Variants in POLR3A observed in about 807,000 individuals in gnomAD.
POLR3A encodes RNA polymerase III subunit A, also known as DNA-directed RNA polymerase III subunit RPC1.
Under a neutral mutation model 152.8 loss-of-function variants are expected in POLR3A, and 112 were observed. The ratio of observed to expected loss-of-function variants is 0.73; its 90% CI spans 0.63 to 0.86. The LOEUF (loss-of-function observed/expected upper bound fraction) is 0.86. Among genes scored for constraint, POLR3A ranks in the 40% least tolerant of loss-of-function variants. POLR3A has a pLI of 0.00. For synonymous variants in POLR3A, 615 were observed against 652.1 expected (o/e 0.94, Z 0.87); for missense variants, 1,385 against 1,743.1 (o/e 0.79, Z 3.66).
Position 78,021,811 on chromosome 10 carries a change from G to A in POLR3A, c.1048+49C>T, listed in dbSNP as rs752315732. The A allele has an allele frequency of 2.5e-6, 4 of 1,612,174 alleles. No individual in the cohort carries two copies. In the East Asian group the frequency reaches 6.7e-5, roughly 27 times the overall value. On this transcript the variant is annotated intron_variant, in intron 7 of 30. Coordinates refer to ENST00000372371, the MANE Select transcript of POLR3A (RefSeq NM_007055.4). Reference sequence around the variant, plus strand: ...AAGCTGGACAGACACTCCTGAAAAAGGAACCAAAGAGAGTGGGCTGGCTTC... The same window carrying A: ...AAGCTGGACAGACACTCCTGAAAAAAGAACCAAAGAGAGTGGGCTGGCTTC...
rs1355010937 is a variant in POLR3A at position 77,975,922 on chromosome 10, G to A, written c.*1556C>T. 6.6e-6 allele frequency: 1 copy of A among 151,944 alleles called. No homozygotes were observed. Among genetic ancestry groups the A allele is most frequent in the Non-Finnish European group, 1.5e-5 (1 of 68,004 alleles). The allele number at this position is 151,944 out of a possible 1,614,324, so 9.4% of individuals were successfully genotyped here. ...TCTCAAGTAGAAGCCCTGAATTAGT[G>A]TTCATTAACAAACTTAATCCTTTGT... On this transcript the variant is annotated 3_prime_UTR_variant, in exon 31 of 31. Coordinates refer to ENST00000372371, the MANE Select transcript of POLR3A (RefSeq NM_007055.4).
Position 78,007,760 on chromosome 10 carries a change from T to A in POLR3A, c.2016A>T (p.Gly672=). Residue 672 remains glycine, a synonymous_variant, in exon 15 of 31, where the codon GGA becomes GGT. Coordinates refer to ENST00000372371, the MANE Select transcript of POLR3A (RefSeq NM_007055.4). ...NIFYILLRDW[G]QNEAADAMSR... ...ACATGGCATCTGCAGCTTCATTCTG[T>A]CCCCAGTCTCGCAGCAAAATGTAAA... 6.2e-7 allele frequency: 1 copy of A among 1,614,128 alleles called. No individual in the cohort carries two copies. Among genetic ancestry groups the A allele is most frequent in the Non-Finnish European group, 8.5e-7 (1 of 1,179,994 alleles).
chr10:78,004,895 AGTTGG>A lies in POLR3A; in HGVS notation c.2075-12_2075-8del, dbSNP rs1467396068. 2 of 1,613,656 alleles carry A rather than the reference AGTTGG, an allele frequency of 1.2e-6. No individual in the cohort carries two copies. The highest frequency in any genetic ancestry group is 3.3e-5 in the Admixed American group (2 of 59,996). ...ATTGAGAAACCACGGTTAGCTGTTG[AGTTGG>A]TAGAGCAGGAAGAAAGGGCCATAAA... On this transcript the variant is annotated splice_region_variant and splice_polypyrimidine_tract_variant and intron_variant, in intron 15 of 30. Transcript: ENST00000372371.
intron 21 of POLR3A, 90 bp downstream of exon 21, chr10:77,990,964 G>A: frequency 1.3e-6 from 1 of 753,674 alleles, no homozygotes; most frequent in South Asian, 1.5e-5. Flanking sequence ...AAAACAACCA[G>A]CTTATAAAAT....
chr10:77,997,025 T>G (rs982694053), intron 19 of POLR3A, among the ~76,000 whole-genome samples: 42 of 152,248 alleles, frequency 2.8e-4, no homozygotes, highest in African/African-American at 9.9e-4. Context: ...GATCAATAAA[T>G]GTAATCCAGC....
chr10:78,021,379 C>CT (rs1365057520), intron 8 of POLR3A, among the ~76,000 whole-genome samples, 167 bp downstream of exon 8: 1 of 152,162 alleles, frequency 6.6e-6, no homozygotes, highest in Non-Finnish European at 1.5e-5. Context: ...ATATATACCA[C>CT]CAACTATGTA....
At position 77,975,916 on chromosome 10, in the gene POLR3A, A is replaced by G. The variant is rs1847084155; in HGVS notation, c.*1562T>C. The G allele has an allele frequency of 6.6e-6, 1 of 151,934 alleles. No individual in the cohort carries two copies. Among genetic ancestry groups the G allele is most frequent in the African/African-American group, 2.4e-5 (1 of 41,346 alleles). The allele number at this position is 151,934 out of a possible 1,614,324, so 9.4% of individuals were successfully genotyped here. Reference sequence around the variant, plus strand: ...GTGGGGTCTCAAGTAGAAGCCCTGAATTAGTGTTCATTAACAAACTTAATC... The same window carrying G: ...GTGGGGTCTCAAGTAGAAGCCCTGAGTTAGTGTTCATTAACAAACTTAATC... On this transcript the variant is annotated 3_prime_UTR_variant, in exon 31 of 31. Transcript: ENST00000372371.
rs201082620 is a variant in POLR3A at position 77,991,088 on chromosome 10, C to T, written c.2867G>A (p.Ser956Asn). ...GCTGTCCTGGCAGCAGAGGAACTCA[C>T]TCTTCTTCATGATGGACTCTGTGGT... ...ILTTESIMKK[S>N]EFLCCQDSFL... is the part of the protein sequence containing the mutation. The change falls in exon 21 of 31, where the codon AGT (serine) becomes AAT (asparagine). Residue 956 changes from serine (S) to asparagine (N), a missense_variant. Ser to Asn is a conservative substitution (Grantham distance 46). This residue lies in a region of POLR3A where 178 missense variants were observed against 204.6 expected (regional missense o/e 0.87). Transcript: ENST00000372371. 2 of 1,613,196 alleles carry T rather than the reference C, an allele frequency of 1.2e-6. No individual in the cohort carries two copies. The highest frequency in any genetic ancestry group is 4.5e-5 in the East Asian group (2 of 44,882).
rs1035318893 is a variant in POLR3A, at chr10:77,976,817, C to T, written c.*661G>A. The T allele has an allele frequency of 6.5e-6, 1 of 153,648 alleles. No individual in the cohort carries two copies. The highest frequency in any genetic ancestry group is 2.4e-5 in the African/African-American group (1 of 41,450). The allele number at this position is 153,648 out of a possible 1,614,324, so 9.5% of individuals were successfully genotyped here. A position where few individuals can be genotyped will look rare whatever the true frequency, so the allele number is the denominator to read the frequency against. Reference sequence around the variant, plus strand: ...TCTATAGAAGATGTTACAGAGCTGCCTGGGCCTCATGACAGTTGCACCTCA... The same window carrying T: ...TCTATAGAAGATGTTACAGAGCTGCTTGGGCCTCATGACAGTTGCACCTCA... On this transcript the variant is annotated 3_prime_UTR_variant, in exon 31 of 31. Transcript: ENST00000372371.
At chr10:78,005,017 A>G in intron 15 of POLR3A, 129 bp from the exon 16 acceptor site, 1 of 748,438 alleles carries the variant, frequency 1.3e-6, no homozygotes, top group South Asian at 1.5e-5. Flanking sequence ...TAAAGTATAA[A>G]AAAGTGTATA....
intron 19 of POLR3A, among the ~76,000 whole-genome samples, chr10:77,997,001 G>T (rs1192594525): frequency 1.3e-5 from 2 of 152,160 alleles, no homozygotes; most frequent in South Asian, 4.1e-4. Flanking sequence ...TGCAAGGCTG[G>T]TTCCACATAC....
At position 78,001,081 on chromosome 10, in the gene POLR3A, G is replaced by A. The variant is rs1847352494; in HGVS notation, c.2373C>T (p.Asn791=). The A allele has an allele frequency of 2.5e-6, 4 of 1,585,628 alleles. No individual in the cohort carries two copies. Among genetic ancestry groups the A allele is most frequent in the South Asian group, 2.2e-5 (2 of 90,374 alleles). ...CCACACAGGCAATCATCTGTGATAT[G>A]TTAATGAAGGAACCTGGGGACATGG... is the stretch of plus-strand genomic sequence containing the variant. ...ALCGSKGSFI[N]ISQMIACVGQ... Residue 791 remains asparagine (N), a synonymous_variant, in exon 18 of 31, where the codon AAC becomes AAT. Transcript: ENST00000372371.
intron 18 of POLR3A, among the ~76,000 whole-genome samples, chr10:78,000,710 T>C (rs1426451350): frequency 6.6e-6 from 1 of 152,192 alleles, no homozygotes; most frequent in Non-Finnish European, 1.5e-5. Flanking sequence ...GTTTATTTAT[T>C]TGTAGAGATG....
chr10:77,980,273 C>T lies in POLR3A; in HGVS notation c.3892G>A (p.Gly1298Ser). ...MLLSDLMTYK[G>S]EVLGITRFGL... is the part of the protein sequence containing the mutation. ...AACCTAGTGATGCCCAGGACTTCAC[C>T]CTGCGTCAAGGGAGAAAGAGTCACG... Residue 1298 changes from glycine to serine, a missense_variant and splice_region_variant, in exon 30 of 31, where the codon GGT becomes AGT. Transcript: ENST00000372371. 6.2e-7 allele frequency: 1 copy of T among 1,613,994 alleles called. No individual in the cohort carries two copies. Among genetic ancestry groups the T allele is most frequent in the Non-Finnish European group, 8.5e-7 (1 of 1,179,922 alleles).
intron 19 of POLR3A, among the ~76,000 whole-genome samples, chr10:77,997,355 G>A (rs910152407): frequency 5.9e-5 from 9 of 152,160 alleles, no homozygotes; most frequent in Non-Finnish European, 1.3e-4. Flanking sequence ...ATTAGGAAAA[G>A]AGGAAGTCAA....
rs1564623125 is a variant in POLR3A, at chr10:78,021,895, G to A, written c.1013C>T (p.Thr338Ile). The change falls in exon 7 of 31, where the codon ACC becomes ATC. Residue 338 changes from threonine (T) to isoleucine (I), a missense_variant. Physicochemically the swap from Thr to Ile is moderately conservative, Grantham distance 89 (BLOSUM62 -1). Transcript: ENST00000372371. ...CTTCAGGCGTTGGACGAAGCCTCTG[G>A]TCCACTTCTTGGGTGCCATGTTGAG... The part of the protein sequence containing the change: ...IPLNMAPKKW[T>I]RGFVQRLKGK... 1 of 1,614,056 alleles carries A rather than the reference G, an allele frequency of 6.2e-7. No individual in the cohort carries two copies. The highest frequency in any genetic ancestry group is 8.5e-7 in the Non-Finnish European group (1 of 1,180,008).
rs1334901941 is a variant in POLR3A, at chr10:78,024,989, G to A, written c.472C>T (p.His158Tyr). Reference protein sequence around the residue: ...DKCRKKNICHHCGAFNGTVKK... With the variant: ...DKCRKKNICHYCGAFNGTVKK... ...CACTCACCATTAAAAGCGCCACAGT[G>A]ATGGCAGATGTTTTTCTTCCGGCAC... The change falls in exon 4 of 31, where the codon CAC becomes TAC. Residue 158 changes from histidine (H) to tyrosine (Y), a missense_variant. By Grantham distance (83) the His-to-Tyr change is moderately conservative. Coordinates refer to ENST00000372371, the MANE Select transcript of POLR3A (RefSeq NM_007055.4). The A allele has an allele frequency of 6.2e-7, 1 of 1,614,194 alleles. No individual in the cohort carries two copies. The highest frequency in any genetic ancestry group is 1.1e-5 in the South Asian group (1 of 91,090).
At chr10:78,028,842 C>A (rs1303385539) in intron 1 of POLR3A, among the ~76,000 whole-genome samples, 1 of 151,910 alleles carries the variant, frequency 6.6e-6, no homozygotes, top group Non-Finnish European at 1.5e-5. Flanking sequence ...AAGGAGCCAC[C>A]GCCTAATAAC....
chr10:78,007,973 G>T (rs1479222466), intron 14 of POLR3A, 107 bp from the exon 15 acceptor site: 1 of 485,216 alleles, frequency 2.1e-6, no homozygotes, highest in Non-Finnish European at 3.3e-6. Flanking sequence ...GACACTTAAA[G>T]CAGAACAAAC....
Sources: gnomAD v4.1 joint callset for allele counts (sites outside exome capture counted in the v4.1 genomes callset) on GRCh38, gnomAD v4.1.1 for gene constraint, gnomAD v4.1.1 regional missense constraint, MANE v1.5 for transcripts, NCBI Gene and HGNC (gene_info 2026-07-23, HGNC 2026-07-21) for gene names.